The following RBMS3 variants were observed in gnomAD, a reference collection of about 807,000 sequenced individuals.
The protein encoded by RBMS3 is RNA-binding motif, single-stranded-interacting protein 3.
In RBMS3, 27 loss-of-function variants were observed where a neutral mutation model predicts 66.8. The ratio of observed to expected loss-of-function variants is 0.40; its 90% CI spans 0.30 to 0.56. The LOEUF is 0.56. Among genes scored for constraint, RBMS3 ranks in the 20% least tolerant of loss-of-function variants. RBMS3 has a pLI of 0.40. For synonymous variants in RBMS3, 188 were observed against 183.0 expected (o/e 1.03, Z -0.22); for missense variants, 513 against 549.5 (o/e 0.93, Z 0.66).
At chr3:29,658,250 A>G (rs545515103) in intron 4 of RBMS3, among the ~76,000 whole-genome samples, 13 of 152,322 alleles carry the variant, frequency 8.5e-5, no homozygotes, top group African/African-American at 2.9e-4. Context: ...AGTTGTGGTA[A>G]TCACAGAGAG....
intron 2 of RBMS3, among the ~76,000 whole-genome samples, chr3:29,480,199 G>T (rs1298492347): frequency 6.6e-6 from 1 of 152,174 alleles, no homozygotes; most frequent in Non-Finnish European, 1.5e-5. Flanking sequence ...AAGAAGATTT[G>T]TAATACAGTT....
chr3:29,765,923 C>A (rs1576740529), intron 6 of RBMS3: 1 of 156,298 alleles, frequency 6.4e-6, no homozygotes, highest in Non-Finnish European at 1.4e-5. Flanking sequence ...TGCAGGCAAA[C>A]TTCCCATTTT....
intron 6 of RBMS3, among the ~76,000 whole-genome samples, chr3:29,821,799 G>A (rs1206675089): frequency 6.6e-6 from 1 of 152,104 alleles, no homozygotes; most frequent in Admixed American, 6.6e-5. Context: ...AAGAAAATAT[G>A]TTTTCAGAAT....
intron 1 of RBMS3, among the ~76,000 whole-genome samples, chr3:29,367,775 C>G (rs2037988800): frequency 6.6e-6 from 1 of 152,056 alleles, no homozygotes; most frequent in Non-Finnish European, 1.5e-5. Flanking sequence ...TATGCTTAAT[C>G]AAATATTTTG....
intron 2 of RBMS3, among the ~76,000 whole-genome samples, chr3:29,470,660 T>C (rs1370787): frequency 0.34 from 52,349 of 151,858 alleles, 9,240 homozygotes; most frequent in East Asian, 0.46. Context: ...ACATGTACAT[T>C]GGTAAAAATC....
chr3:29,553,516 A>G (rs532264992), intron 3 of RBMS3, among the ~76,000 whole-genome samples: 44 of 152,068 alleles, frequency 2.9e-4, no homozygotes, highest in African/African-American at 9.9e-4. Context: ...GCAGCTCTGG[A>G]TGGGAAGGGG....
intron 4 of RBMS3, among the ~76,000 whole-genome samples, chr3:29,706,974 T>C (rs1244348562): frequency 6.6e-6 from 1 of 152,166 alleles, no homozygotes; most frequent in Non-Finnish European, 1.5e-5. Context: ...CTTAGAGAGA[T>C]CACTATTGCC....
At chr3:29,472,067 T>G (rs1434553174) in intron 2 of RBMS3, among the ~76,000 whole-genome samples, 1 of 152,086 alleles carries the variant, frequency 6.6e-6, no homozygotes, top group Non-Finnish European at 1.5e-5. Flanking sequence ...AACAAGTAGA[T>G]AGAAAATTGT....
chr3:29,895,162 G>A (rs2060097309), intron 8 of RBMS3, among the ~76,000 whole-genome samples: 3 of 151,330 alleles, frequency 2.0e-5, no homozygotes, highest in Admixed American at 6.6e-5. Context: ...AACTCAAAGG[G>A]GTATTTTAGA....
intron 14 of RBMS3, among the ~76,000 whole-genome samples, chr3:29,997,858 C>G (rs1038968472): frequency 6.6e-6 from 1 of 152,134 alleles, no homozygotes; most frequent in African/African-American, 2.4e-5. Context: ...AAAACTGGCA[C>G]AAGACAGGGA....
intron 3 of RBMS3, among the ~76,000 whole-genome samples, chr3:29,570,395 C>T (rs963054411): frequency 1.3e-5 from 2 of 152,080 alleles, no homozygotes; most frequent in Non-Finnish European, 2.9e-5. Flanking sequence ...CCCTGTTGTG[C>T]TATCAAATAC....
At chr3:29,603,542 C>T (rs1303075775) in intron 4 of RBMS3, among the ~76,000 whole-genome samples, 2 of 151,932 alleles carry the variant, frequency 1.3e-5, no homozygotes, top group Non-Finnish European at 2.9e-5. Flanking sequence ...TATTGGCATC[C>T]ACTGACACTA....
Position 29,488,202 on chromosome 3 carries a change from G to A in RBMS3, c.249-239G>A, listed in dbSNP as rs2043393712. ...ACATGTGATCCTCTTTTGGCTGCCT[G>A]TGACAGCCTGACAAGTTTATTTTTG... On this transcript the variant is annotated intron_variant, in intron 2 of 14. Transcript: ENST00000383767. Among the ~76,000 whole-genome samples, 4 of 152,292 alleles carry A rather than the reference G, an allele frequency of 2.6e-5. No homozygotes were observed. In the South Asian group the frequency reaches 8.3e-4, roughly 32 times the overall value.
intron 3 of RBMS3, among the ~76,000 whole-genome samples, chr3:29,570,804 T>A (rs572261393): frequency 1.3e-5 from 2 of 152,314 alleles, no homozygotes; most frequent in South Asian, 4.1e-4. Context: ...CAGATATCTC[T>A]TCAATATATT....
At chr3:29,835,381 A>G (rs1559721411) in intron 6 of RBMS3, among the ~76,000 whole-genome samples, 1 of 152,134 alleles carries the variant, frequency 6.6e-6, no homozygotes, top group East Asian at 1.9e-4. Context: ...ATCATATGTT[A>G]ATCCACAAAA....
chr3:29,846,024 T>G, intron 6 of RBMS3, among the ~76,000 whole-genome samples: 1 of 151,782 alleles, frequency 6.6e-6, no homozygotes, highest in Admixed American at 6.6e-5. Flanking sequence ...TTGTTAGAAA[T>G]GAGACTGTAA....
At chr3:29,714,120 C>A (rs1294351752) in intron 4 of RBMS3, among the ~76,000 whole-genome samples, 1 of 152,116 alleles carries the variant, frequency 6.6e-6, no homozygotes, top group Non-Finnish European at 1.5e-5. Context: ...TGAGCACCCA[C>A]TATAAGCCAG....
chr3:29,527,140 A>C (rs995804863), intron 3 of RBMS3, among the ~76,000 whole-genome samples: 35 of 145,828 alleles, frequency 2.4e-4, no homozygotes, highest in African/African-American at 8.6e-4. Flanking sequence ...GGAGGACCCA[A>C]CGAGTGACAA....
intron 1 of RBMS3, among the ~76,000 whole-genome samples, chr3:29,326,888 G>A (rs1047116918): frequency 6.6e-6 from 1 of 151,824 alleles, no homozygotes; most frequent in Non-Finnish European, 1.5e-5. Flanking sequence ...GCACCACCAC[G>A]CCCAGCTAAT....
Sources: gnomAD v4.1 joint callset for allele counts (sites outside exome capture counted in the v4.1 genomes callset) on GRCh38, gnomAD v4.1.1 for gene constraint, MANE v1.5 for transcripts, NCBI Gene and HGNC (gene_info 2026-07-23, HGNC 2026-07-21) for gene names.